Variants in PIMREG observed in about 807,000 individuals in gnomAD.
The protein encoded by PIMREG is protein PIMREG.
In PIMREG, 19 loss-of-function variants were observed where a neutral mutation model predicts 24.3. That is an observed-to-expected ratio of 0.78 (90% confidence interval 0.54 to 1.15). The LOEUF (loss-of-function observed/expected upper bound fraction) is 1.15, where lower values mean the gene tolerates loss of function less well. Among genes scored for constraint, PIMREG ranks in the 50% most tolerant of loss-of-function variants. The pLI is 0.00. For synonymous variants in PIMREG, 112 were observed against 124.1 expected (o/e 0.90, Z 0.65); for missense variants, 283 against 306.8 (o/e 0.92, Z 0.58).
rs1597353445 is a variant in PIMREG at position 6,451,202 on chromosome 17, C to A, written c.*855C>A. 6.6e-6 allele frequency: 1 copy of A among 152,308 alleles called. No homozygotes were observed. Among genetic ancestry groups the A allele is most frequent in the East Asian group, 1.9e-4 (1 of 5,182 alleles). 9.4% of individuals were successfully genotyped at this position (152,308 alleles called of 1,614,324 possible). A position where few individuals can be genotyped will look rare whatever the true frequency, so the allele number is the denominator to read the frequency against. On this transcript the variant is annotated 3_prime_UTR_variant, in exon 6 of 6. Transcript: ENST00000572447. ...CGAGCCAGTCTGCCCCCAATCCCAC[C>A]CCAGGGAGAACATGTAGAAAGGGAA...
intron 3 of PIMREG, among the ~76,000 whole-genome samples, chr17:6,448,786 G>A (rs536062475): frequency 5.3e-5 from 8 of 152,316 alleles, no homozygotes; most frequent in African/African-American, 1.2e-4. Flanking sequence ...CTGCCTAGCC[G>A]CTGCACCTGT....
chr17:6,444,962 C>T lies in PIMREG; in HGVS notation c.-35-114C>T. 2 of 811,784 alleles carry T rather than the reference C, an allele frequency of 2.5e-6. No individual in the cohort carries two copies. Among genetic ancestry groups the T allele is most frequent in the Non-Finnish European group, 3.6e-6 (2 of 556,092 alleles). The allele number at this position is 811,784 out of a possible 1,614,324, so 50.3% of individuals were successfully genotyped here. On this transcript the variant is annotated intron_variant, in intron 1 of 5. Coordinates refer to ENST00000572447, the MANE Select transcript of PIMREG (RefSeq NM_019013.3). This position sits in a 1 kb window ranked among gnomAD's most constrained non-coding sequence, Gnocchi z 4.3. ...CTGCACCCACACTTACCAACTCGCC[C>T]GCCCCCGCCACCCCGCTGCATCCCG...
chr17:6,449,870 G>T, intron 4 of PIMREG, 158 bp from the exon 5 acceptor site: 1 of 1,369,850 alleles, frequency 7.3e-7, no homozygotes, highest in Non-Finnish European at 9.8e-7. Context: ...CTTGTATAAT[G>T]GCCATGATGG....
intron 2 of PIMREG, 72 bp downstream of exon 2, chr17:6,445,476 G>A: frequency 2.0e-6 from 3 of 1,479,624 alleles, no homozygotes; most frequent in Non-Finnish European, 1.8e-6. Context: ...TGCCCTCAAA[G>A]AGCCTCAAGA....
intron 3 of PIMREG, 27 bp downstream of exon 3, chr17:6,447,785 G>C: frequency 6.4e-7 from 1 of 1,563,108 alleles, no homozygotes; most frequent in South Asian, 1.2e-5. Flanking sequence ...TTCACCCCGG[G>C]GCTGGTGGCC....
chr17:6,445,700 T>C (rs1266930460), intron 2 of PIMREG, among the ~76,000 whole-genome samples: 2 of 152,154 alleles, frequency 1.3e-5, no homozygotes, highest in South Asian at 2.1e-4. Context: ...GCTCACCAAA[T>C]GCAAGCTTAG....
chr17:6,447,885 G>A (rs1913647241), intron 3 of PIMREG, 127 bp downstream of exon 3: 1 of 922,114 alleles, frequency 1.1e-6, no homozygotes, highest in Non-Finnish European at 1.6e-6. Flanking sequence ...GCTACCTGGA[G>A]CCAGGGGCAC....
intron 2 of PIMREG, chr17:6,446,289 C>T (rs1276987514): frequency 2.5e-6 from 1 of 398,496 alleles, no homozygotes; most frequent in African/African-American, 2.1e-5. Flanking sequence ...ATGAACAGAC[C>T]TCCAGGGAGA....
chr17:6,445,445 T>A, intron 2 of PIMREG, 41 bp downstream of exon 2: 1 of 1,557,932 alleles, frequency 6.4e-7, no homozygotes. Flanking sequence ...ATGGAGTGTT[T>A]CCTTGGTGCC....
rs202003927 is a variant in PIMREG at position 6,450,443 on chromosome 17, G to T, written c.*96G>T. ...CGTGAGCTTCCTGGAAAAAACCCCC[G>T]GGAGTCGTCAGTACCCCTGGGCCAC... On this transcript the variant is annotated 3_prime_UTR_variant, in exon 6 of 6. Coordinates refer to ENST00000572447, the MANE Select transcript of PIMREG (RefSeq NM_019013.3). The T allele has an allele frequency of 1.3e-6, 2 of 1,559,970 alleles. No homozygotes were observed. Among genetic ancestry groups the T allele is most frequent in the Non-Finnish European group, 1.7e-6 (2 of 1,159,822 alleles).
chr17:6,447,869 C>A (rs1597350637), intron 3 of PIMREG, 111 bp downstream of exon 3: 1 of 1,162,844 alleles, frequency 8.6e-7, no homozygotes, highest in South Asian at 1.6e-5. Flanking sequence ...CTTGGCACCC[C>A]CTGTGGCTAC....
At chr17:6,447,238 A>G (rs1224219432) in intron 2 of PIMREG, 2 of 469,826 alleles carry the variant, frequency 4.3e-6, no homozygotes, top group Non-Finnish European at 7.7e-6. Flanking sequence ...CAGCCACCCA[A>G]GTAGCTGGGA....
chr17:6,448,037 A>C (rs192105531), intron 3 of PIMREG, among the ~76,000 whole-genome samples: 1 of 152,270 alleles, frequency 6.6e-6, no homozygotes, highest in East Asian at 1.9e-4. Context: ...TAATCCCAGC[A>C]CTTTGGGAGG....
At chr17:6,448,320 C>T (rs1303840489) in intron 3 of PIMREG, among the ~76,000 whole-genome samples, 2 of 94,806 alleles carry the variant, frequency 2.1e-5, no homozygotes. Flanking sequence ...AGAAAGAAAA[C>T]AAAACAACAA....
At chr17:6,450,305 A>G in intron 5 of PIMREG, 57 bp from the exon 6 acceptor site, 2 of 1,452,906 alleles carry the variant, frequency 1.4e-6, no homozygotes, top group Non-Finnish European at 1.9e-6. Flanking sequence ...GAGCAGGGAA[A>G]GGCATCCCTA....
intron 4 of PIMREG, 39 bp from the exon 5 acceptor site, chr17:6,449,989 A>G (rs1356341022): frequency 1.2e-6 from 2 of 1,607,038 alleles, no homozygotes; most frequent in Admixed American, 3.3e-5. Flanking sequence ...CTCAGAGCCC[A>G]CCACACCCAG....
intron 3 of PIMREG, among the ~76,000 whole-genome samples, chr17:6,448,980 G>A (rs1317145561): frequency 1.3e-5 from 2 of 152,346 alleles, no homozygotes; most frequent in African/African-American, 2.4e-5. Flanking sequence ...TTCTCTGTCC[G>A]TAAAGGAAGA....
chr17:6,446,637 G>T (rs1029812789), intron 2 of PIMREG, among the ~76,000 whole-genome samples: 1 of 152,226 alleles, frequency 6.6e-6, no homozygotes, highest in Non-Finnish European at 1.5e-5. Flanking sequence ...AAGAGTTGGG[G>T]CTTGGTCCTA....
intron 4 of PIMREG, 137 bp from the exon 5 acceptor site, chr17:6,449,891 T>C (rs1913749935): frequency 2.9e-6 from 4 of 1,402,498 alleles, no homozygotes; most frequent in Middle Eastern, 2.1e-4. Context: ...GCTCTAAGGC[T>C]GGGCCCTGCC....
Sources: gnomAD v4.1 joint callset for allele counts (sites outside exome capture counted in the v4.1 genomes callset) on GRCh38, gnomAD v4.1.1 for gene constraint, Gnocchi (gnomAD v3.1) non-coding constraint, MANE v1.5 for transcripts, NCBI Gene and HGNC (gene_info 2026-07-23, HGNC 2026-07-21) for gene names.